Variants in STARD9 observed in about 807,000 individuals in gnomAD.
The protein encoded by STARD9 is stAR-related lipid transfer protein 9.
In STARD9, 346 loss-of-function variants were observed where a neutral mutation model predicts 399.8. That is an observed-to-expected ratio of 0.87 (90% CI 0.79 to 0.95). The LOEUF (loss-of-function observed/expected upper bound fraction) is 0.95, where lower values mean the gene tolerates loss of function less well. Among genes scored for constraint, STARD9 ranks in the 40% least tolerant of loss-of-function variants. STARD9 has a pLI of 0.00. For synonymous variants in STARD9, 2,203 were observed against 2,143.5 expected, an observed-to-expected ratio of 1.03 and a Z score of -0.77; for missense variants, 5,832 against 5,667.5, an observed-to-expected ratio of 1.03 and a Z score of -0.93.
At chr15:42,586,577 G>A (rs1258915646) in intron 3 of STARD9, among the ~76,000 whole-genome samples, 2 of 152,196 alleles carry the variant, frequency 1.3e-5, no homozygotes, top group South Asian at 2.1e-4. Flanking sequence ...GCCACAGACA[G>A]TAGCCCTTGC....
Position 42,691,198 on chromosome 15 carries a change from G to T in STARD9, c.9620G>T (p.Ser3207Ile), listed in dbSNP as rs972670300. ...LKHTCSPQED[S>I]PWQEEEQHRD... ...CATACCTGCAGCCCCCAGGAAGACA[G>T]TCCCTGGCAGGAAGAAGAGCAGCAC... is the stretch of plus-strand genomic sequence containing the variant. Residue 3207 changes from serine (S) to isoleucine (I), a missense_variant, in exon 23 of 33, where the codon AGT (serine) becomes ATT (isoleucine). Ser to Ile is a moderately radical substitution (Grantham distance 142). This residue lies in a region of STARD9 where 5,828 missense variants were observed against 5,651.1 expected (regional missense o/e 1.03). Coordinates refer to ENST00000290607, the MANE Select transcript of STARD9 (RefSeq NM_020759.3). 15 of 1,537,160 alleles carry T rather than the reference G, an allele frequency of 9.8e-6. No homozygotes were observed. In the African/African-American group the frequency reaches 2.1e-4, roughly 21 times the overall value.
In STARD9 at chr15:42,665,847, A is replaced by C. The variant is rs1369116599; in HGVS notation, c.1316A>C (p.Lys439Thr). ...GAGCTGGTTCTCCAAAATGAATTGA[A>C]GGTGGGTGTGTTGGGTGGACTCAGT... ...LKELVLQNEL[K>T]IDQLTKDWTQ... The change falls in exon 15 of 33, where the codon AAG (lysine) becomes ACG (threonine). Residue 439 changes from lysine to threonine, a missense_variant and splice_region_variant. Around this residue, in one of 2 missense-constraint regions of STARD9, gnomAD observed 5,828 missense variants for 5,651.1 expected, o/e 1.03. Coordinates refer to ENST00000290607, the MANE Select transcript of STARD9 (RefSeq NM_020759.3). 1 of 1,536,992 alleles carries C rather than the reference A, an allele frequency of 6.5e-7. No homozygotes were observed. Among genetic ancestry groups the C allele is most frequent in the African/African-American group, 1.4e-5 (1 of 73,050 alleles).
At chr15:42,643,508 T>A (rs528635271) in intron 7 of STARD9, among the ~76,000 whole-genome samples, 58 of 151,356 alleles carry the variant, frequency 3.8e-4, no homozygotes, top group Middle Eastern at 3.4e-3. Context: ...TCGTTCTTTT[T>A]AAAAAAAAAC....
Position 42,719,810 on chromosome 15 carries a change from A to T in STARD9, c.*236A>T, listed in dbSNP as rs2061419690. The T allele has an allele frequency of 6.0e-6, 3 of 502,964 alleles. No individual in the cohort carries two copies. The South Asian group carries it at 8.6e-5, about 14-fold the overall frequency. The allele number at this position is 502,964 out of a possible 1,614,324, so 31.2% of individuals were successfully genotyped here. A position where few individuals can be genotyped will look rare whatever the true frequency, so the allele number is the denominator to read the frequency against. ...CCTGAGCTCCTGGCCCAGACTATCC[A>T]GAGTGAATGCAGCTCCGCTCACCTT... On this transcript the variant is annotated 3_prime_UTR_variant, in exon 33 of 33. Coordinates refer to ENST00000290607, the MANE Select transcript of STARD9 (RefSeq NM_020759.3).
chr15:42,620,510 G>T (rs1378675104), intron 3 of STARD9, among the ~76,000 whole-genome samples: 2 of 151,970 alleles, frequency 1.3e-5, no homozygotes, highest in Admixed American at 6.6e-5. Context: ...AAATTAAAGT[G>T]TTAATTGCTG....
Position 42,689,364 on chromosome 15 carries a change from T to C in STARD9, c.7786T>C (p.Cys2596Arg). ...TTCAAGGGTTGCTGGCAGGCCTCAGTGTAAACAAATAGACCAGTCATCATC... is the reference window on the plus strand; with the variant it reads ...TTCAAGGGTTGCTGGCAGGCCTCAGCGTAAACAAATAGACCAGTCATCATC... ...CSSRVAGRPQ[C>R]KQIDQSSSDQ... The change falls in exon 23 of 33, where the codon TGT becomes CGT. Residue 2596 changes from cysteine to arginine, a missense_variant. By Grantham distance (180) the Cys-to-Arg change is radical (BLOSUM62 -3). Around this residue, in one of 2 missense-constraint regions of STARD9, gnomAD observed 5,828 missense variants for 5,651.1 expected, o/e 1.03. Coordinates refer to ENST00000290607, the MANE Select transcript of STARD9 (RefSeq NM_020759.3). 1 of 1,537,292 alleles carries C rather than the reference T, an allele frequency of 6.5e-7. No homozygotes were observed. The highest frequency in any genetic ancestry group is 8.7e-7 in the Non-Finnish European group (1 of 1,146,918).
At chr15:42,582,950 C>T (rs1252154571) in intron 1 of STARD9, among the ~76,000 whole-genome samples, 3 of 152,202 alleles carry the variant, frequency 2.0e-5, no homozygotes, top group African/African-American at 7.2e-5. Context: ...CCTAGCTCTG[C>T]CACTGATAGC....
At chr15:42,605,568 A>G (rs1344940501) in intron 3 of STARD9, among the ~76,000 whole-genome samples, 1 of 152,202 alleles carries the variant, frequency 6.6e-6, no homozygotes, top group Non-Finnish European at 1.5e-5. Flanking sequence ...GAGGTAAACA[A>G]CAGTGTGTTC....
Position 42,689,935 on chromosome 15 carries a change from C to T in STARD9, c.8357C>T (p.Pro2786Leu). The T allele has an allele frequency of 6.5e-7, 1 of 1,537,640 alleles. No homozygotes were observed. The highest frequency in any genetic ancestry group is 8.7e-7 in the Non-Finnish European group (1 of 1,146,998). The change falls in exon 23 of 33, where the codon CCC (proline) becomes CTC (leucine). Residue 2786 changes from proline (P) to leucine (L), a missense_variant. Coordinates refer to ENST00000290607, the MANE Select transcript of STARD9 (RefSeq NM_020759.3). ...SQDSSPEHQE[P>L]RTLDTTYGEV... ...GACAGCAGCCCAGAGCATCAGGAAC[C>T]CAGAACTCTAGACACCACATATGGA...
intron 2 of STARD9, among the ~76,000 whole-genome samples, chr15:42,583,666 G>A (rs553945679): frequency 6.6e-6 from 1 of 152,276 alleles, no homozygotes; most frequent in Admixed American, 6.5e-5. Context: ...TTAGTTGGTA[G>A]ATGTTTTGAA....
At chr15:42,626,364 T>A (rs1290599708) in intron 3 of STARD9, among the ~76,000 whole-genome samples, 1 of 150,100 alleles carries the variant, frequency 6.7e-6, no homozygotes, top group Admixed American at 6.6e-5. Context: ...TTCCTCTTCC[T>A]CTTCTTCCTC....
At chr15:42,592,539 G>T (rs1378480693) in intron 3 of STARD9, among the ~76,000 whole-genome samples, 6 of 152,072 alleles carry the variant, frequency 3.9e-5, no homozygotes, top group African/African-American at 1.4e-4. Context: ...CCGCCTTCCG[G>T]TTTCTAGCAA....
intron 20 of STARD9, among the ~76,000 whole-genome samples, chr15:42,676,934 G>A (rs143229760): frequency 1.3e-5 from 2 of 152,068 alleles, no homozygotes; most frequent in African/African-American, 2.4e-5. Context: ...TTGGCAGTGA[G>A]GAATGTTGGA....
chr15:42,690,065 G>C lies in STARD9; in HGVS notation c.8487G>C (p.Gly2829=). 2 of 1,537,506 alleles carry C rather than the reference G, an allele frequency of 1.3e-6. No homozygotes were observed. The highest frequency in any genetic ancestry group is 1.7e-6 in the Non-Finnish European group (2 of 1,146,976). ...CDVQNSTSAS[G]PKQDHVQCPE... ...TTCAGAATTCTACAAGTGCCTCAGG[G>C]CCTAAGCAAGACCATGTCCAATGCC... Residue 2829 remains glycine, a synonymous_variant, in exon 23 of 33, where the codon GGG becomes GGC. Coordinates refer to ENST00000290607, the MANE Select transcript of STARD9 (RefSeq NM_020759.3).
chr15:42,669,163 C>T lies in STARD9; in HGVS notation c.1323C>T (p.Asp441=). Residue 441 remains aspartate (D), a synonymous_variant, in exon 16 of 33, where the codon GAC becomes GAT. Transcript: ENST00000290607. ...ELVLQNELKI[D]QLTKDWTQKW... ...CACCTCCTATACCTCTGCAGATAGA[C>T]CAGCTGACTAAAGACTGGACCCAGA... 5 of 1,532,652 alleles carry T rather than the reference C, an allele frequency of 3.3e-6. No individual in the cohort carries two copies. Among genetic ancestry groups the T allele is most frequent in the South Asian group, 1.2e-5 (1 of 83,882 alleles). The allele number at this position is 1,532,652 out of a possible 1,614,324, so 94.9% of individuals were successfully genotyped here.
rs2060785506 is a variant in STARD9 at position 42,694,131 on chromosome 15, C to T, written c.12553C>T (p.His4185Tyr). 6.5e-7 allele frequency: 1 copy of T among 1,536,694 alleles called. No homozygotes were observed. The change falls in exon 23 of 33, where the codon CAC (histidine) becomes TAC (tyrosine). Residue 4185 changes from histidine (H) to tyrosine (Y), a missense_variant. His to Tyr is a moderately conservative substitution (Grantham distance 83, BLOSUM62 2). Coordinates refer to ENST00000290607, the MANE Select transcript of STARD9 (RefSeq NM_020759.3). ...GAGTCCCCCACAACCTCCTAATGAC[C>T]ACAGCCAGGATTCTGAGTGGTCCAA... ...EQSPPQPPND[H>Y]SQDSEWSKRE... is the part of the protein sequence containing the mutation.
At chr15:42,600,740 G>A (rs1167590415) in intron 3 of STARD9, among the ~76,000 whole-genome samples, 1 of 151,936 alleles carries the variant, frequency 6.6e-6, no homozygotes, top group African/African-American at 2.4e-5. Context: ...GATCAGGCTG[G>A]TCTCGAACTC....
At chr15:42,602,797 A>G (rs1280212256) in intron 3 of STARD9, among the ~76,000 whole-genome samples, 1 of 152,236 alleles carries the variant, frequency 6.6e-6, no homozygotes, top group African/African-American at 2.4e-5. Flanking sequence ...GCAACCATTC[A>G]GAGCTGTGGA....
rs895710421 is a variant in STARD9, at chr15:42,720,255, C to G, written c.*681C>G. 1.3e-5 allele frequency: 2 copies of G among 152,286 alleles called. No homozygotes were observed. Among genetic ancestry groups the G allele is most frequent in the Non-Finnish European group, 2.9e-5 (2 of 68,070 alleles). 9.4% of individuals were successfully genotyped at this position (152,286 alleles called of 1,614,324 possible). ...GATGCTCTGATATGGAGCTGTCACT[C>G]TAGAGCTCGGTCAGATGGAAGACAC... On this transcript the variant is annotated 3_prime_UTR_variant, in exon 33 of 33. Coordinates refer to ENST00000290607, the MANE Select transcript of STARD9 (RefSeq NM_020759.3).
Sources: gnomAD v4.1 joint callset for allele counts (sites outside exome capture counted in the v4.1 genomes callset) on GRCh38, gnomAD v4.1.1 for gene constraint, gnomAD v4.1.1 regional missense constraint, MANE v1.5 for transcripts, NCBI Gene and HGNC (gene_info 2026-07-23, HGNC 2026-07-21) for gene names.